The following DIAPH2 variants were observed in gnomAD, a reference collection of about 807,000 sequenced individuals.
The protein encoded by DIAPH2 is diaphanous related formin 2, also known as protein diaphanous homolog 2.
DIAPH2 carries 35 observed loss-of-function variants against 92.7 expected under a neutral mutation model. That is an observed-to-expected ratio of 0.38 (90% CI 0.29 to 0.50). The LOEUF (loss-of-function observed/expected upper bound fraction) is 0.50. Ranked by LOEUF, DIAPH2 falls within the 20% of genes least tolerant of loss-of-function variation. DIAPH2 has a pLI of 0.94. For synonymous variants in DIAPH2, 301 were observed against 280.4 expected, an observed-to-expected ratio of 1.07 and a Z score of -0.73; for missense variants, 701 against 819.5, an observed-to-expected ratio of 0.86 and a Z score of 1.77.
chrX:97,293,397 C>T (rs2068614240), intron 23 of DIAPH2, among the ~76,000 whole-genome samples: 1 of 109,437 alleles, frequency 9.1e-6, no homozygotes, highest in Non-Finnish European at 1.9e-5. Flanking sequence ...GGATTACAGG[C>T]ATGCACCACC....
intron 25 of DIAPH2, among the ~76,000 whole-genome samples, chrX:97,419,847 A>G (rs1449545532): frequency 1.8e-5 from 2 of 112,069 alleles, no homozygotes; most frequent in African/African-American, 6.5e-5. Context: ...ATCATTTTGA[A>G]TTGAGTTAGA....
chrX:97,166,657 G>T (rs2147446918), intron 22 of DIAPH2, among the ~76,000 whole-genome samples: 1 of 98,007 alleles, frequency 1.0e-5, no homozygotes, highest in Non-Finnish European at 2.2e-5. Context: ...AGTATTTCAT[G>T]ATTACAGAAG....
At chrX:97,087,364 T>C (rs1232833273) in intron 19 of DIAPH2, among the ~76,000 whole-genome samples, 1 of 112,004 alleles carries the variant, frequency 8.9e-6, no homozygotes, top group African/African-American at 3.2e-5. Context: ...AGCTGAATAG[T>C]GTTGAAAAAT....
At chrX:96,776,613 T>A (rs2064379504) in intron 4 of DIAPH2, among the ~76,000 whole-genome samples, 1 of 108,799 alleles carries the variant, frequency 9.2e-6, no homozygotes, top group African/African-American at 3.3e-5. Context: ...AAATTTGGGG[T>A]TTAATGACTG....
At chrX:96,693,557 G>A (rs1256659608) in intron 1 of DIAPH2, among the ~76,000 whole-genome samples, 1 of 112,125 alleles carries the variant, frequency 8.9e-6, no homozygotes, top group Non-Finnish European at 1.9e-5. Flanking sequence ...GACCAGGTCG[G>A]TATGTATGGG....
chrX:96,793,254 G>A (rs977843354), intron 4 of DIAPH2, among the ~76,000 whole-genome samples: 2 of 112,252 alleles, frequency 1.8e-5, no homozygotes, highest in African/African-American at 6.5e-5. Flanking sequence ...TCTGTCTCCC[G>A]GGTTCAAGCG....
intron 25 of DIAPH2, among the ~76,000 whole-genome samples, chrX:97,390,899 A>C (rs1222055100): frequency 3.6e-5 from 4 of 112,231 alleles, no homozygotes; most frequent in East Asian, 5.6e-4. Context: ...ATGAAAAATA[A>C]ATTTTTAAAA....
chrX:96,896,996 T>C (rs1010161185), intron 5 of DIAPH2, among the ~76,000 whole-genome samples: 1 of 111,524 alleles, frequency 9.0e-6, no homozygotes, highest in African/African-American at 3.3e-5. Flanking sequence ...ACAAGTTGTT[T>C]AGTGGGGGAT....
intron 4 of DIAPH2, among the ~76,000 whole-genome samples, chrX:96,771,649 AG>A (rs2064339810): frequency 9.0e-6 from 1 of 111,718 alleles, no homozygotes; most frequent in Non-Finnish European, 1.9e-5. Context: ...GGCATAACAG[AG>A]GGATTTTTTT....
At chrX:96,955,618 G>T (rs1034485463) in intron 15 of DIAPH2, among the ~76,000 whole-genome samples, 2 of 111,725 alleles carry the variant, frequency 1.8e-5, no homozygotes, top group Non-Finnish European at 3.8e-5. Context: ...ATACAATGGG[G>T]ATACAGGCAT....
intron 17 of DIAPH2, among the ~76,000 whole-genome samples, chrX:97,001,083 A>G (rs1477562911): frequency 8.9e-6 from 1 of 111,905 alleles, no homozygotes; most frequent in Admixed American, 9.5e-5. Context: ...TTCCATTAAC[A>G]TGAGCATTTT....
intron 19 of DIAPH2, among the ~76,000 whole-genome samples, chrX:97,089,280 T>C (rs1404991873): frequency 9.0e-6 from 1 of 111,687 alleles, no homozygotes; most frequent in Admixed American, 9.5e-5. Flanking sequence ...AAAGGAGAGC[T>C]TGGGAATGTT....
At position 97,113,432 on chromosome X, in the gene DIAPH2, A is replaced by T. The variant is rs564594990; in HGVS notation, c.2350-1294A>T. On this transcript the variant is annotated intron_variant, in intron 20 of 26. Coordinates refer to ENST00000324765, the MANE Select transcript of DIAPH2 (RefSeq NM_006729.5). ...TTGTATAATAATACCCTGACCAGAT[A>T]AAAAAAAGTGAGTCATAAGTGATGA... is the stretch of plus-strand genomic sequence containing the variant. Among the ~76,000 whole-genome samples, 11 of 111,672 alleles carry T rather than the reference A, an allele frequency of 9.9e-5. 1 individual carries two copies. The South Asian group carries it at 3.0e-3, about 31-fold the overall frequency.
intron 24 of DIAPH2, among the ~76,000 whole-genome samples, chrX:97,351,696 G>A (rs941718662): frequency 1.8e-5 from 2 of 110,810 alleles, no homozygotes; most frequent in Admixed American, 9.6e-5. Flanking sequence ...CCAGCTACTC[G>A]GGAGGCTGAG....
intron 25 of DIAPH2, among the ~76,000 whole-genome samples, chrX:97,424,427 C>T (rs895820105): frequency 3.6e-5 from 4 of 110,845 alleles, no homozygotes; most frequent in African/African-American, 9.8e-5. Context: ...CATAAACAGA[C>T]GTACAAGATA....
chrX:96,962,442 C>CATATATATATACAT (rs1175762704), intron 16 of DIAPH2, among the ~76,000 whole-genome samples: 3 of 55,561 alleles, frequency 5.4e-5, no homozygotes, highest in Admixed American at 2.3e-4. Flanking sequence ...TATATATATA[C>CATATATATATACAT]ATATATACAC....
intron 20 of DIAPH2, among the ~76,000 whole-genome samples, chrX:97,108,187 A>C (rs970044407): frequency 9.0e-6 from 1 of 110,783 alleles, no homozygotes. Flanking sequence ...TTTTTTTAAT[A>C]TAGTGAAGAT....
chrX:97,441,153 C>T (rs781326203), intron 26 of DIAPH2, among the ~76,000 whole-genome samples: 73 of 111,654 alleles, frequency 6.5e-4, no homozygotes, highest in African/African-American at 2.1e-3. Flanking sequence ...CAGTGGCTCA[C>T]GCCTATAATC....
At chrX:97,137,270 CATATATATATATATATATATAT>C (rs57799375) in intron 21 of DIAPH2, among the ~76,000 whole-genome samples, 60 of 68,264 alleles carry the variant, frequency 8.8e-4, no homozygotes, top group Middle Eastern at 7.1e-3. Context: ...CGCAGTTATA[CATATATATATATATATATATAT>C]ATATATATAT....
Sources: allele counts gnomAD v4.1 joint callset (sites outside exome capture counted in the v4.1 genomes callset), GRCh38; gene constraint gnomAD v4.1.1; transcripts MANE v1.5; gene names NCBI Gene and HGNC (gene_info 2026-07-23, HGNC 2026-07-21).